WDR49: variants seen among roughly 807,000 people sequenced by gnomAD.
WDR49 encodes WD repeat domain 49, also known as cilia- and flagella-associated protein 337.
A neutral mutation model predicts 119.5 loss-of-function variants in WDR49; 107 were observed. The ratio of observed to expected loss-of-function variants is 0.90; its 90% confidence interval spans 0.77 to 1.05. WDR49 has a LOEUF of 1.05. WDR49 is among the 50% of genes least tolerant of loss of function. The pLI, the probability that WDR49 is intolerant of heterozygous loss-of-function variation, is 0.00. For missense variants in WDR49, 1,240 were observed against 1,220.5 expected (o/e 1.02, Z -0.24); for synonymous variants, 425 against 418.8 (o/e 1.01, Z -0.18).
At chr3:167,481,752 G>A (rs1009166131) in intron 18 of WDR49, among the ~76,000 whole-genome samples, 8 of 152,138 alleles carry the variant, frequency 5.3e-5, no homozygotes, top group African/African-American at 1.9e-4. Context: ...AGAAACAAAT[G>A]TGGAAACCCT....
intron 13 of WDR49, 128 bp from the exon 14 acceptor site, chr3:167,529,367 G>C (rs757197920): frequency 1.3e-4 from 94 of 739,164 alleles, no homozygotes; most frequent in Non-Finnish European, 1.1e-4. Context: ...TCAATTCCCA[G>C]CACCACTTTA....
chr3:167,517,823 T>C (rs1752279612), intron 16 of WDR49, among the ~76,000 whole-genome samples: 2 of 151,954 alleles, frequency 1.3e-5, no homozygotes, highest in South Asian at 2.1e-4. Context: ...CATGCTGGTG[T>C]GCTGCATCCA....
At chr3:167,523,479 A>G (rs1371990964) in intron 15 of WDR49, among the ~76,000 whole-genome samples, 1 of 151,458 alleles carries the variant, frequency 6.6e-6, no homozygotes, top group Non-Finnish European at 1.5e-5. Context: ...TGCTGCACCT[A>G]TCAACCCATC....
At position 167,605,046 on chromosome 3, in the gene WDR49, G is replaced by GTGTGTA. The variant is rs559427464; in HGVS notation, c.959-579_959-578insTACACA. Among the ~76,000 whole-genome samples, 262 of 148,882 alleles carry GTGTGTA rather than the reference G, an allele frequency of 1.8e-3. 1 individual carries two copies. Among genetic ancestry groups the GTGTGTA allele is most frequent in the African/African-American group, 6.3e-3 (255 of 40,316 alleles). On this transcript the variant is annotated intron_variant, in intron 5 of 18. Transcript: ENST00000682715. ...TGTGTGTGTGTGTGTGTGTGTGTGT[G>GTGTGTA]TACATATACATATGGCGTATATATA...
At chr3:167,540,933 C>T (rs1711779757) in intron 10 of WDR49, among the ~76,000 whole-genome samples, 2 of 151,802 alleles carry the variant, frequency 1.3e-5, no homozygotes, top group Admixed American at 6.6e-5. Flanking sequence ...ACAATAGAAT[C>T]AAACAAGTAG....
Position 167,596,312 on chromosome 3 carries a change from C to T in WDR49, c.1275+5815G>A, listed in dbSNP as rs1481513866. 2.8e-3 allele frequency among the ~76,000 whole-genome samples: 412 copies of T among 147,660 alleles called. 9 individuals carry two copies. The highest frequency in any genetic ancestry group is 6.9e-4 in the Non-Finnish European group (46 of 66,236). On this transcript the variant is annotated intron_variant, in intron 7 of 18. Coordinates refer to ENST00000682715, the MANE Select transcript of WDR49 (RefSeq NM_001366157.1). ...TCAACCATTGTGGAAGTCAGTGTGG[C>T]GATTCCTCAGGGATCTAGAACTAGA...
intron 11 of WDR49, among the ~76,000 whole-genome samples, chr3:167,536,299 G>A (rs1162347579): frequency 6.6e-6 from 1 of 152,052 alleles, no homozygotes; most frequent in African/African-American, 2.4e-5. Flanking sequence ...TCTGATCATT[G>A]CACAATTTAT....
At chr3:167,588,833 A>G (rs190831113) in intron 7 of WDR49, among the ~76,000 whole-genome samples, 1 of 152,148 alleles carries the variant, frequency 6.6e-6, no homozygotes, top group African/African-American at 2.4e-5. Flanking sequence ...TATTCTGGTT[A>G]TTAATCCCTT....
In WDR49 at chr3:167,627,303, G is replaced by T; in HGVS notation, c.166-11C>A. 1 of 1,234,712 alleles carries T rather than the reference G, an allele frequency of 8.1e-7. No individual in the cohort carries two copies. The highest frequency in any genetic ancestry group is 1.0e-6 in the Non-Finnish European group (1 of 988,608). 76.5% of individuals were successfully genotyped at this position (1,234,712 alleles called of 1,614,324 possible). On this transcript the variant is annotated splice_polypyrimidine_tract_variant and intron_variant, in intron 2 of 18. Transcript: ENST00000682715. The stretch of plus-strand genomic sequence containing the variant: ...CCTTGGCTGTGGGGACTAGAAACAG[G>T]AATCCAAAAACAATAATGAGACAAC...
intron 9 of WDR49, among the ~76,000 whole-genome samples, chr3:167,556,935 G>C (rs1019344987): frequency 2.6e-5 from 4 of 152,192 alleles, no homozygotes; most frequent in Non-Finnish European, 4.4e-5. Flanking sequence ...TGAAGCAGGA[G>C]AATAGCTTGA....
chr3:167,625,561 G>T (rs1215931032), intron 3 of WDR49, among the ~76,000 whole-genome samples: 1 of 151,760 alleles, frequency 6.6e-6, no homozygotes, highest in Non-Finnish European at 1.5e-5. Flanking sequence ...TTCTTATAGA[G>T]GTATTCTAGC....
At chr3:167,546,508 T>C (rs1712210465) in intron 10 of WDR49, among the ~76,000 whole-genome samples, 1 of 151,742 alleles carries the variant, frequency 6.6e-6, no homozygotes, top group Admixed American at 6.6e-5. Context: ...GAGAGACTTG[T>C]TTTCCTGGCA....
intron 15 of WDR49, among the ~76,000 whole-genome samples, chr3:167,522,732 A>G (rs1008609953): frequency 6.6e-6 from 1 of 152,198 alleles, no homozygotes; most frequent in Non-Finnish European, 1.5e-5. Context: ...CTGAAGAGAT[A>G]ATAATGAACT....
chr3:167,535,946 C>A (rs1248804936), intron 11 of WDR49, among the ~76,000 whole-genome samples: 4 of 152,018 alleles, frequency 2.6e-5, no homozygotes, highest in African/African-American at 2.4e-5. Flanking sequence ...ATGAATGAAC[C>A]TGGTGGACAT....
At chr3:167,538,070 T>C (rs776295611) in intron 10 of WDR49, among the ~76,000 whole-genome samples, 11 of 152,118 alleles carry the variant, frequency 7.2e-5, no homozygotes, top group Non-Finnish European at 1.6e-4. Flanking sequence ...AATGGAACAT[T>C]CCTTATCTTC....
At chr3:167,511,575 T>A (rs1013483889) in intron 16 of WDR49, among the ~76,000 whole-genome samples, 2 of 152,158 alleles carry the variant, frequency 1.3e-5, no homozygotes, top group Non-Finnish European at 2.9e-5. Flanking sequence ...ACCATGTTTT[T>A]TTCCACCGAT....
Position 167,500,272 on chromosome 3 carries a change from G to C in WDR49, c.2912C>G (p.Ala971Gly). 2 of 1,603,940 alleles carry C rather than the reference G, an allele frequency of 1.2e-6. No individual in the cohort carries two copies. The highest frequency in any genetic ancestry group is 1.7e-6 in the Non-Finnish European group (2 of 1,176,772). Reference sequence around the variant, plus strand: ...ATTCACTTCAGGCAGCTCTTCCAGGGCTCCAATGTTTAATGACCTAAATGT... The same window carrying C: ...ATTCACTTCAGGCAGCTCTTCCAGGCCTCCAATGTTTAATGACCTAAATGT... Reference protein sequence around the residue: ...FSTFRSLNIGALEELPEVNKP... With the variant: ...FSTFRSLNIGGLEELPEVNKP... Residue 971 changes from alanine (A) to glycine (G), a missense_variant, in exon 18 of 19, where the codon GCC (alanine) becomes GGC (glycine). Transcript: ENST00000682715.
In WDR49 at chr3:167,500,176, A is replaced by G. The variant is rs13060964; in HGVS notation, c.3008T>C (p.Leu1003Pro). The G allele has an allele frequency of 0.35, 544,362 of 1,571,354 alleles. 95,975 individuals carry two copies. Among genetic ancestry groups the G allele is most frequent in the East Asian group, 0.47 (19,946 of 42,788 alleles). ...ACTTTTAAAAAGTGACGGGGCCTCC[A>G]GAATTTGGGGACGCTCTTCCTCTGG... is the stretch of plus-strand genomic sequence containing the variant. ...KEPEEERPQI[L>P]EAPSLFKTLK... Residue 1003 changes from leucine to proline, a missense_variant, in exon 18 of 19, where the codon CTG becomes CCG. By Grantham distance (98) the Leu-to-Pro change is moderately conservative. Coordinates refer to ENST00000682715, the MANE Select transcript of WDR49 (RefSeq NM_001366157.1).
intron 9 of WDR49, among the ~76,000 whole-genome samples, chr3:167,556,246 G>C (rs761400842): frequency 6.6e-6 from 1 of 152,152 alleles, no homozygotes; most frequent in Non-Finnish European, 1.5e-5. Flanking sequence ...ACATCCTGAA[G>C]TTTTCACTAT....
Sources: allele counts gnomAD v4.1 joint callset (sites outside exome capture counted in the v4.1 genomes callset), GRCh38; gene constraint gnomAD v4.1.1; transcripts MANE v1.5; gene names NCBI Gene and HGNC (gene_info 2026-07-23, HGNC 2026-07-21).